ZNF644: variants seen among roughly 807,000 people sequenced by gnomAD.
ZNF644 encodes zinc finger motif enhancer binding protein 2.
A neutral mutation model predicts 108.0 loss-of-function variants in ZNF644; 20 were observed. The observed-to-expected ratio is 0.19, with a 90% CI of 0.13 to 0.27. ZNF644 has a LOEUF of 0.27. Among genes scored for constraint, ZNF644 ranks in the 10% least tolerant of loss-of-function variants. The probability of loss-of-function intolerance (pLI) is 1.00; values close to 1 mark genes in which losing one functional copy is unlikely to be tolerated. For synonymous variants in ZNF644, 542 were observed against 539.1 expected (o/e 1.01, Z -0.08); for missense variants, 1,338 against 1,548.9 (o/e 0.86, Z 2.29).
intron 1 of ZNF644, among the ~76,000 whole-genome samples, chr1:91,020,219 TAAAA>T (rs545938285): frequency 2.0e-5 from 3 of 152,006 alleles, no homozygotes; most frequent in Non-Finnish European, 4.4e-5. Context: ...TATTAGAAGC[TAAAA>T]AAAGAGAAAA....
intron 2 of ZNF644, among the ~76,000 whole-genome samples, chr1:90,979,559 T>C (rs966938065): frequency 3.3e-5 from 5 of 152,192 alleles, no homozygotes; most frequent in Non-Finnish European, 7.4e-5. Flanking sequence ...TTTAAACAAA[T>C]AGCAAGCTTC....
chr1:90,963,910 T>G (rs776502595), intron 2 of ZNF644, among the ~76,000 whole-genome samples: 6 of 152,118 alleles, frequency 3.9e-5, no homozygotes, highest in Admixed American at 3.9e-4. Context: ...TGCATTTTCC[T>G]GTAAGTATTG....
At chr1:90,951,800 T>C (rs1312972759) in intron 2 of ZNF644, among the ~76,000 whole-genome samples, 18 of 152,224 alleles carry the variant, frequency 1.2e-4, no homozygotes, top group African/African-American at 9.7e-5. Flanking sequence ...AAGATTTCTA[T>C]GTACCTTGCT....
chr1:90,960,029 C>T (rs1654170323), intron 2 of ZNF644, among the ~76,000 whole-genome samples: 1 of 152,118 alleles, frequency 6.6e-6, no homozygotes, highest in Admixed American at 6.6e-5. Context: ...CCATTAGTCA[C>T]TTAGTAATCA....
At chr1:90,991,032 A>G (rs1657583750) in intron 1 of ZNF644, among the ~76,000 whole-genome samples, 2 of 152,316 alleles carry the variant, frequency 1.3e-5, no homozygotes, top group South Asian at 4.1e-4. Context: ...GTATACTTTA[A>G]ATATGTGTAC....
At chr1:90,966,069 G>C (rs1219047579) in intron 2 of ZNF644, among the ~76,000 whole-genome samples, 2 of 151,980 alleles carry the variant, frequency 1.3e-5, no homozygotes, top group Non-Finnish European at 2.9e-5. Context: ...CTTTCTCAAT[G>C]TACTCATATT....
rs958443305 is a variant in ZNF644, at chr1:91,000,654, G to C, written c.-17-18284C>G. Among the ~76,000 whole-genome samples the C allele has an allele frequency of 3.3e-5, 5 of 152,098 alleles. 1 individual carries two copies. Among genetic ancestry groups the C allele is most frequent in the Admixed American group, 2.6e-4 (4 of 15,254 alleles). On this transcript the variant is annotated intron_variant, in intron 1 of 5. Transcript: ENST00000337393. The stretch of plus-strand genomic sequence containing the variant: ...AAAGCAAGAGCAAACACATTCAAAA[G>C]CTAGCAGAAAGCAAGAAATAACTAA...
At chr1:90,923,483 G>A (rs1649699986) in intron 4 of ZNF644, among the ~76,000 whole-genome samples, 1 of 152,064 alleles carries the variant, frequency 6.6e-6, no homozygotes, top group Non-Finnish European at 1.5e-5. Flanking sequence ...CCCAAGATGA[G>A]TAGTTTACAT....
intron 2 of ZNF644, among the ~76,000 whole-genome samples, chr1:90,968,991 G>A (rs919891319): frequency 3.3e-5 from 5 of 151,972 alleles, no homozygotes; most frequent in Admixed American, 3.3e-4. Flanking sequence ...ATCATTTTTG[G>A]CAAATTTTCT....
chr1:90,916,231 T>C lies in ZNF644; in HGVS notation c.*567A>G, dbSNP rs1648752271. 1 of 152,534 alleles carries C rather than the reference T, an allele frequency of 6.6e-6. No individual in the cohort carries two copies. Among genetic ancestry groups the C allele is most frequent in the African/African-American group, 2.4e-5 (1 of 41,408 alleles). 9.4% of individuals were successfully genotyped at this position (152,534 alleles called of 1,614,324 possible). ...CCACTTTTTAGTATAAAAAAAACCG[T>C]TCCATGTGATTTTAAAAAAAACACT... On this transcript the variant is annotated 3_prime_UTR_variant, in exon 6 of 6. Coordinates refer to ENST00000337393, the MANE Select transcript of ZNF644 (RefSeq NM_201269.3).
Position 90,939,270 on chromosome 1 carries a change from C to A in ZNF644, c.2084G>T (p.Gly695Val). The part of the protein sequence containing the change: ...QKARKSIAQS[G>V]VNMCNQNSSP... ...GCTGTTTTGATTGCACATGTTTACACCTGATTGGGCAATGCTTTTCCGAGC... is the reference window on the plus strand; with the variant it reads ...GCTGTTTTGATTGCACATGTTTACAACTGATTGGGCAATGCTTTTCCGAGC... The change falls in exon 3 of 6, where the codon GGT (glycine) becomes GTT (valine). Residue 695 changes from glycine to valine, a missense_variant. Physicochemically the swap from Gly to Val is moderately radical, Grantham distance 109. This residue lies in a region of ZNF644 where 462 missense variants were observed against 472.6 expected (regional missense o/e 0.98). Coordinates refer to ENST00000337393, the MANE Select transcript of ZNF644 (RefSeq NM_201269.3). 1 of 1,614,040 alleles carries A rather than the reference C, an allele frequency of 6.2e-7. No individual in the cohort carries two copies.
At position 90,994,447 on chromosome 1, in the gene ZNF644, A is replaced by G. The variant is rs74691751; in HGVS notation, c.-17-12077T>C. Among the ~76,000 whole-genome samples, 1,054 of 152,334 alleles carry G rather than the reference A, an allele frequency of 6.9e-3. 16 individuals are homozygous for G. Among genetic ancestry groups the G allele is most frequent in the African/African-American group, 0.024 (988 of 41,584 alleles). The stretch of plus-strand genomic sequence containing the variant: ...ACAGCTAGAAATTTAAATGGGAAAA[A>G]CATGGCAGTCAGAGAACCAGAGGGG... On this transcript the variant is annotated intron_variant, in intron 1 of 5. Transcript: ENST00000337393.
intron 1 of ZNF644, among the ~76,000 whole-genome samples, chr1:91,007,635 A>G (rs1659583035): frequency 6.6e-6 from 1 of 151,656 alleles, no homozygotes; most frequent in African/African-American, 2.4e-5. Context: ...TTATCTTCCA[A>G]CCCTCTAAGA....
intron 2 of ZNF644, among the ~76,000 whole-genome samples, chr1:90,953,532 TA>T (rs201425761): frequency 9.0e-4 from 130 of 144,088 alleles, no homozygotes; most frequent in Middle Eastern, 3.6e-3. Context: ...CCCTGGAACT[TA>T]AAAAAAAAAA....
chr1:90,983,043 T>C (rs898231966), intron 1 of ZNF644, among the ~76,000 whole-genome samples: 1 of 152,096 alleles, frequency 6.6e-6, no homozygotes, highest in Non-Finnish European at 1.5e-5. Context: ...TTACCATATT[T>C]CAGAACTTCT....
At position 91,019,460 on chromosome 1, in the gene ZNF644, A is replaced by T. The variant is rs140514731; in HGVS notation, c.-18+2530T>A. On this transcript the variant is annotated intron_variant, in intron 1 of 5. Transcript: ENST00000337393. ...CAAGACTGCATTTGGAAAACCTTAA[A>T]ATTCAAAAGCAACATTGCTCTGAAA... 2.6e-3 allele frequency among the ~76,000 whole-genome samples: 402 copies of T among 152,316 alleles called. 2 individuals are homozygous for T. The highest frequency in any genetic ancestry group is 9.2e-3 in the African/African-American group (384 of 41,570).
At chr1:91,009,266 G>A (rs1659723217) in intron 1 of ZNF644, among the ~76,000 whole-genome samples, 1 of 151,894 alleles carries the variant, frequency 6.6e-6, no homozygotes, top group African/African-American at 2.4e-5. Context: ...CTAAAACGTG[G>A]TATCTTAAAA....
At chr1:91,000,163 G>C (rs1342267282) in intron 1 of ZNF644, among the ~76,000 whole-genome samples, 8 of 152,106 alleles carry the variant, frequency 5.3e-5, no homozygotes, top group Admixed American at 3.9e-4. Flanking sequence ...TCCAGGAATT[G>C]AACTCAGCTC....
chr1:90,947,981 G>A (rs1652694814), intron 2 of ZNF644, among the ~76,000 whole-genome samples: 1 of 151,928 alleles, frequency 6.6e-6, no homozygotes, highest in Admixed American at 6.6e-5. Flanking sequence ...TGTAAGTCAG[G>A]GACTGTATGT....
Sources: gnomAD v4.1 joint callset for allele counts (sites outside exome capture counted in the v4.1 genomes callset) on GRCh38, gnomAD v4.1.1 for gene constraint, gnomAD v4.1.1 regional missense constraint, MANE v1.5 for transcripts, NCBI Gene and HGNC (gene_info 2026-07-23, HGNC 2026-07-21) for gene names.